CSMD1: variants seen among roughly 807,000 people sequenced by gnomAD.
The protein encoded by CSMD1 is CUB and Sushi multiple domains 1, also known as CUB and sushi domain-containing protein 1.
A neutral mutation model predicts 417.5 loss-of-function variants in CSMD1; 213 were observed. That is an observed-to-expected ratio of 0.51 (90% CI 0.46 to 0.57). CSMD1 has a LOEUF of 0.57. CSMD1 is among the 20% of genes least tolerant of loss of function. CSMD1 has a pLI of 0.00. For missense variants in CSMD1, 6,923 were observed against 4,529.7 expected (o/e 1.53, Z -15.17); for synonymous variants, 2,862 against 1,736.8 (o/e 1.65, Z -16.11).
intron 5 of CSMD1, among the ~76,000 whole-genome samples, chr8:3,808,599 G>T (rs1486449857): frequency 1.3e-5 from 2 of 152,140 alleles, no homozygotes; most frequent in Non-Finnish European, 2.9e-5. Context: ...ATTGCACACT[G>T]CTGTCACTAT....
In CSMD1 at chr8:4,827,085, C is replaced by A. The variant is rs77273647; in HGVS notation, c.85+167247G>T. 5.0e-3 allele frequency among the ~76,000 whole-genome samples: 762 copies of A among 152,194 alleles called. 6 individuals are homozygous for A. The highest frequency in any genetic ancestry group is 0.018 in the African/African-American group (744 of 41,548). Reference sequence around the variant, plus strand: ...CAGGGAAAAAAATTAAGTCCATGTTCTGGCAATGCCCTTGTCCTCAGGTGT... The same window carrying A: ...CAGGGAAAAAAATTAAGTCCATGTTATGGCAATGCCCTTGTCCTCAGGTGT... On this transcript the variant is annotated intron_variant, in intron 1 of 69. Transcript: ENST00000635120.
intron 3 of CSMD1, among the ~76,000 whole-genome samples, chr8:4,259,215 A>C (rs973544259): frequency 6.6e-6 from 1 of 152,172 alleles, no homozygotes; most frequent in African/African-American, 2.4e-5. Flanking sequence ...AACGGCTTTC[A>C]AATCGCAGAG....
chr8:3,804,106 AT>A (rs563473727), intron 5 of CSMD1, among the ~76,000 whole-genome samples: 122 of 151,756 alleles, frequency 8.0e-4, no homozygotes, highest in African/African-American at 2.4e-3. Flanking sequence ...TTTTTGTTAT[AT>A]TTTTAGTAGA....
At chr8:4,008,626 T>C (rs1203362099) in intron 4 of CSMD1, among the ~76,000 whole-genome samples, 3 of 118,788 alleles carry the variant, frequency 2.5e-5, no homozygotes, top group Non-Finnish European at 3.6e-5. Flanking sequence ...TTTTTTTTTT[T>C]TTGAGACAGG....
At chr8:4,204,497 A>T (rs1799862112) in intron 3 of CSMD1, among the ~76,000 whole-genome samples, 1 of 152,186 alleles carries the variant, frequency 6.6e-6, no homozygotes, top group Admixed American at 6.5e-5. Context: ...AAAATAAACC[A>T]GATTCAATTT....
At chr8:4,262,593 T>C (rs1008268166) in intron 3 of CSMD1, among the ~76,000 whole-genome samples, 2 of 152,090 alleles carry the variant, frequency 1.3e-5, no homozygotes, top group African/African-American at 2.4e-5. Context: ...CTCCAACTCC[T>C]TATCTTCAGG....
intron 1 of CSMD1, among the ~76,000 whole-genome samples, chr8:4,940,251 G>C (rs1168984153): frequency 1.1e-4 from 16 of 152,200 alleles, no homozygotes; most frequent in African/African-American, 3.4e-4. Context: ...AACAGAAATA[G>C]TGTGAGCAGT....
At chr8:3,772,363 A>T (rs13278747) in intron 5 of CSMD1, among the ~76,000 whole-genome samples, 11,187 of 84,874 alleles carry the variant, frequency 0.13, 2,068 homozygotes, top group Middle Eastern at 0.2. Flanking sequence ...ATTTATATAT[A>T]CATATATACA....
intron 1 of CSMD1, among the ~76,000 whole-genome samples, chr8:4,730,530 G>T (rs1443911606): frequency 6.6e-6 from 1 of 152,042 alleles, no homozygotes; most frequent in Non-Finnish European, 1.5e-5. Flanking sequence ...CACGAGGTCA[G>T]GAGATGGAGA....
chr8:3,926,865 G>A (rs933200900), intron 5 of CSMD1, among the ~76,000 whole-genome samples: 2 of 151,390 alleles, frequency 1.3e-5, no homozygotes, highest in Admixed American at 6.6e-5. Flanking sequence ...ACAGGCATGT[G>A]CCACGACACC....
At chr8:4,826,532 G>C (rs1248675032) in intron 1 of CSMD1, among the ~76,000 whole-genome samples, 3 of 152,062 alleles carry the variant, frequency 2.0e-5, no homozygotes, top group Admixed American at 2.0e-4. Flanking sequence ...TGAAAATTTT[G>C]TTACGTGTCT....
intron 1 of CSMD1, among the ~76,000 whole-genome samples, chr8:4,654,669 G>C (rs914420313): frequency 6.6e-6 from 1 of 152,102 alleles, no homozygotes; most frequent in Non-Finnish European, 1.5e-5. Flanking sequence ...TTTTGGATTT[G>C]TTGGGTGCTT....
chr8:3,316,388 G>A (rs1425226034), intron 23 of CSMD1, among the ~76,000 whole-genome samples: 3 of 152,188 alleles, frequency 2.0e-5, no homozygotes, highest in South Asian at 2.1e-4. Flanking sequence ...AAAATAAAAC[G>A]GCTCCTATCT....
intron 3 of CSMD1, among the ~76,000 whole-genome samples, chr8:4,295,088 G>A (rs1338735707): frequency 6.9e-6 from 1 of 144,686 alleles, no homozygotes; most frequent in Non-Finnish European, 1.5e-5. Flanking sequence ...ATAATCTTAA[G>A]ATTACACACA....
At chr8:3,684,911 G>C (rs924767705) in intron 7 of CSMD1, among the ~76,000 whole-genome samples, 1 of 152,024 alleles carries the variant, frequency 6.6e-6, no homozygotes, top group African/African-American at 2.4e-5. Context: ...AATTTGTAAT[G>C]ATGCCGGGAA....
chr8:3,648,737 T>G (rs1797700135), intron 7 of CSMD1, among the ~76,000 whole-genome samples: 1 of 152,208 alleles, frequency 6.6e-6, no homozygotes, highest in African/African-American at 2.4e-5. Flanking sequence ...ACATGGCTCA[T>G]GTCTGTGCAC....
At chr8:4,180,457 T>G in intron 3 of CSMD1, among the ~76,000 whole-genome samples, 1 of 148,108 alleles carries the variant, frequency 6.8e-6, no homozygotes, top group Admixed American at 6.7e-5. Flanking sequence ...GGGATAGCAT[T>G]AGGAGATATG....
intron 1 of CSMD1, among the ~76,000 whole-genome samples, chr8:4,650,577 C>A (rs887002930): frequency 7.2e-5 from 11 of 151,892 alleles, no homozygotes; most frequent in Non-Finnish European, 1.5e-4. Flanking sequence ...CATTGAAACT[C>A]CACGGAGAAT....
chr8:3,646,873 G>A (rs560648249), intron 7 of CSMD1, among the ~76,000 whole-genome samples: 2 of 152,222 alleles, frequency 1.3e-5, no homozygotes, highest in Admixed American at 6.5e-5. Context: ...TGGGTCACAC[G>A]AGCCTGTTCC....
Sources: allele counts gnomAD v4.1 joint callset (sites outside exome capture counted in the v4.1 genomes callset), GRCh38; gene constraint gnomAD v4.1.1; transcripts MANE v1.5; gene names NCBI Gene and HGNC (gene_info 2026-07-23, HGNC 2026-07-21).